The following SLC50A1 variants were observed in gnomAD, a reference collection of about 807,000 sequenced individuals.
The protein encoded by SLC50A1 is sugar transporter SWEET1.
Under a neutral mutation model 28.9 loss-of-function variants are expected in SLC50A1, and 22 were observed. That is an observed-to-expected ratio of 0.76 (90% CI 0.54 to 1.09). SLC50A1 has a LOEUF of 1.09. Among genes scored for constraint, SLC50A1 ranks in the 50% least tolerant of loss-of-function variants. SLC50A1 has a pLI of 0.00. For missense variants in SLC50A1, 233 were observed against 273.4 expected (o/e 0.85, Z 1.04); for synonymous variants, 96 against 110.6 (o/e 0.87, Z 0.83).
Position 155,136,465 on chromosome 1 carries a change from C to T in SLC50A1, c.158+89C>T, listed in dbSNP as rs534929647. 188 of 1,306,290 alleles carry T rather than the reference C, an allele frequency of 1.4e-4. 1 individual carries two copies. The African/African-American group carries it at 2.1e-3, about 15-fold the overall frequency. 80.9% of individuals were successfully genotyped at this position (1,306,290 alleles called of 1,614,324 possible). On this transcript the variant is annotated intron_variant, in intron 2 of 5. Transcript: ENST00000368404. Reference sequence around the variant, plus strand: ...GGAGCAAGAGTGAAAGAGGTTTGGCCGGGCGCGGTGGCTCACGCCTGTAAT... The same window carrying T: ...GGAGCAAGAGTGAAAGAGGTTTGGCTGGGCGCGGTGGCTCACGCCTGTAAT...
At chr1:155,137,941 G>A in intron 4 of SLC50A1, 38 bp from the exon 5 acceptor site, 1 of 1,613,836 alleles carries the variant, frequency 6.2e-7, no homozygotes, top group Non-Finnish European at 8.5e-7. Flanking sequence ...GCTTTACGAT[G>A]TGCTTGGGCC....
chr1:155,136,387 G>A lies in SLC50A1; in HGVS notation c.158+11G>A, dbSNP rs775222998. The A allele has an allele frequency of 3.7e-6, 6 of 1,609,136 alleles. No homozygotes were observed. The highest frequency in any genetic ancestry group is 2.2e-5 in the East Asian group (1 of 44,730). Reference sequence around the variant, plus strand: ...CACCACGGAAGTCAAGTGAGGGGCCGACGGCTGCGGTAGTGGGAAAGGCTA... The same window carrying A: ...CACCACGGAAGTCAAGTGAGGGGCCAACGGCTGCGGTAGTGGGAAAGGCTA... On this transcript the variant is annotated intron_variant, in intron 2 of 5. Transcript: ENST00000368404.
chr1:155,135,698 G>A (rs1334087860), upstream of SLC50A1: 13 of 1,550,086 alleles, frequency 8.4e-6, no homozygotes, highest in East Asian at 2.4e-5. Flanking sequence ...CCAGGGTACT[G>A]GGAAGGCGCT....
Position 155,138,069 on chromosome 1 carries a change from G to C in SLC50A1, c.535G>C (p.Gly179Arg). 1 of 1,614,136 alleles carries C rather than the reference G, an allele frequency of 6.2e-7. No individual in the cohort carries two copies. Among genetic ancestry groups the C allele is most frequent in the East Asian group, 2.2e-5 (1 of 44,880 alleles). The part of the protein sequence containing the change: ...LLTSASWCLY[G>R]FRLRDPYIMV... Reference sequence around the variant, plus strand: ...CACCTCTGCCTCCTGGTGCCTCTATGGGTTTCGACTCAGAGATCCCTATAT... The same window carrying C: ...CACCTCTGCCTCCTGGTGCCTCTATCGGTTTCGACTCAGAGATCCCTATAT... Residue 179 changes from glycine to arginine, a missense_variant, in exon 5 of 6, where the codon GGG becomes CGG. Transcript: ENST00000368404.
At position 155,138,575 on chromosome 1, in the gene SLC50A1, A is replaced by C. The variant is rs1664635460; in HGVS notation, c.*294A>C. On this transcript the variant is annotated 3_prime_UTR_variant, in exon 6 of 6. Coordinates refer to ENST00000368404, the MANE Select transcript of SLC50A1 (RefSeq NM_018845.4). ...CGCGGTGGCTCACGCCTGTAATCCCAGCACTTTGGGAGGCCAAGGTGGGCG... is the reference window on the plus strand; with the variant it reads ...CGCGGTGGCTCACGCCTGTAATCCCCGCACTTTGGGAGGCCAAGGTGGGCG... 1 of 330,494 alleles carries C rather than the reference A, an allele frequency of 3.0e-6. No homozygotes were observed. Among genetic ancestry groups the C allele is most frequent in the Non-Finnish European group, 5.7e-6 (1 of 175,670 alleles). 20.5% of individuals were successfully genotyped at this position (330,494 alleles called of 1,614,324 possible).
rs1473479009 is a variant in SLC50A1 at position 155,138,332 on chromosome 1, ACCT to A, written c.*55_*57del. ...CTTAGTGCCAACCTGAACCAAAGAG[ACCT>A]CCTTGTTTCAGCTGGGCCTGCTGTC... On this transcript the variant is annotated 3_prime_UTR_variant, in exon 6 of 6. Coordinates refer to ENST00000368404, the MANE Select transcript of SLC50A1 (RefSeq NM_018845.4). The A allele has an allele frequency of 6.4e-6, 10 of 1,561,916 alleles. No homozygotes were observed. The highest frequency in any genetic ancestry group is 7.0e-6 in the Non-Finnish European group (8 of 1,139,946).
intron 1 of SLC50A1, 96 bp from the exon 2 acceptor site, chr1:155,136,203 G>C (rs866792772): frequency 7.0e-6 from 7 of 999,908 alleles, no homozygotes; most frequent in Middle Eastern, 2.7e-4. Flanking sequence ...CGGGGTCTGC[G>C]GTGGTCCGGA....
In SLC50A1 at chr1:155,137,682, T is replaced by C; in HGVS notation, c.404T>C (p.Val135Ala). ...RLQQLGLFCS[V>A]FTISMYLSPL... ...CAGCAGTTGGGCCTCTTCTGCAGTG[T>C]CTTCACCATCAGCATGTACCTCTCA... The change falls in exon 4 of 6, where the codon GTC (valine) becomes GCC (alanine). Residue 135 changes from valine (V) to alanine (A), a missense_variant. By Grantham distance (64) the Val-to-Ala change is moderately conservative. Coordinates refer to ENST00000368404, the MANE Select transcript of SLC50A1 (RefSeq NM_018845.4). 6.2e-7 allele frequency: 1 copy of C among 1,614,164 alleles called. No individual in the cohort carries two copies. The highest frequency in any genetic ancestry group is 8.5e-7 in the Non-Finnish European group (1 of 1,180,020).
At position 155,135,872 on chromosome 1, in the gene SLC50A1, T is replaced by C. The variant is rs573910602; in HGVS notation, c.-40T>C. ...GCAGTAGGTCCCGGCAACCGCAGGC[T>C]CGCGGCGGGCGCTGGGCGCGGGATC... On this transcript the variant is annotated 5_prime_UTR_variant, in exon 1 of 6. Transcript: ENST00000368404. 1.3e-6 allele frequency: 2 copies of C among 1,589,936 alleles called. No homozygotes were observed. Among genetic ancestry groups the C allele is most frequent in the African/African-American group, 1.3e-5 (1 of 74,332 alleles).
chr1:155,137,378 G>A (rs571524079), intron 3 of SLC50A1, among the ~76,000 whole-genome samples, 183 bp from the exon 4 acceptor site: 1 of 152,356 alleles, frequency 6.6e-6, no homozygotes, highest in African/African-American at 2.4e-5. Context: ...GAAGTCTCCA[G>A]TGTTGTGGGT....
Position 155,136,301 on chromosome 1 carries a change from C to T in SLC50A1, c.83C>T (p.Ser28Leu), listed in dbSNP as rs969744348. Residue 28 changes from serine (S) to leucine (L), a missense_variant and splice_region_variant, in exon 2 of 6, where the codon TCG becomes TTG. By Grantham distance (145) the Ser-to-Leu change is moderately radical. Coordinates refer to ENST00000368404, the MANE Select transcript of SLC50A1 (RefSeq NM_018845.4). ...CTCCCTTCGGGGCCCCATTACAGCTCGGACCTCAGGCACATGCGAATGACC... is the reference window on the plus strand; with the variant it reads ...CTCCCTTCGGGGCCCCATTACAGCTTGGACCTCAGGCACATGCGAATGACC... ...FTLGMFSAGL[S>L]DLRHMRMTRS... The T allele has an allele frequency of 6.2e-7, 1 of 1,603,646 alleles. No homozygotes were observed. The highest frequency in any genetic ancestry group is 8.5e-7 in the Non-Finnish European group (1 of 1,173,600).
chr1:155,135,754 G>A, upstream of SLC50A1: 1 of 1,549,530 alleles, frequency 6.5e-7, no homozygotes, highest in Non-Finnish European at 8.7e-7. Flanking sequence ...GAGGGAGGGT[G>A]GGGCTTCGGC....
chr1:155,137,051 C>T, intron 3 of SLC50A1, 100 bp downstream of exon 3: 1 of 1,500,572 alleles, frequency 6.7e-7, no homozygotes, highest in Non-Finnish European at 9.1e-7. Context: ...GGCACTGCCA[C>T]CTTTTCCAGG....
At position 155,137,551 on chromosome 1, in the gene SLC50A1, T is replaced by G. The variant is rs1204123638; in HGVS notation, c.283-10T>G. ...CACATCTGGAAGTAAGGGTACTCTC[T>G]CCCCTGCAGCGTGTTGTGCTCCTAC... On this transcript the variant is annotated splice_polypyrimidine_tract_variant and intron_variant, in intron 3 of 5. Coordinates refer to ENST00000368404, the MANE Select transcript of SLC50A1 (RefSeq NM_018845.4). The G allele has an allele frequency of 6.2e-7, 1 of 1,613,752 alleles. No individual in the cohort carries two copies. Among genetic ancestry groups the G allele is most frequent in the South Asian group, 1.1e-5 (1 of 91,070 alleles).
chr1:155,137,241 A>G, intron 3 of SLC50A1: 1 of 545,330 alleles, frequency 1.8e-6, no homozygotes, highest in South Asian at 2.3e-5. Context: ...TATTTCTTTC[A>G]GAGCCAGGGC....
rs1439416757 is a variant in SLC50A1, at chr1:155,138,538, TAA to T, written c.*260_*261del. 7 of 474,524 alleles carry T rather than the reference TAA, an allele frequency of 1.5e-5. No homozygotes were observed. The highest frequency in any genetic ancestry group is 2.6e-5 in the Non-Finnish European group (7 of 264,738). The allele number at this position is 474,524 out of a possible 1,614,324, so 29.4% of individuals were successfully genotyped here. A position where few individuals can be genotyped will look rare whatever the true frequency, so the allele number is the denominator to read the frequency against. ...GGGGTGCAATCTTTAGAATATGCCT[TAA>T]AAGGCCGGGCGCGGTGGCTCACGCC... On this transcript the variant is annotated 3_prime_UTR_variant, in exon 6 of 6. Coordinates refer to ENST00000368404, the MANE Select transcript of SLC50A1 (RefSeq NM_018845.4).
intron 1 of SLC50A1, 74 bp downstream of exon 1, chr1:155,136,065 C>A (rs2102479327): frequency 6.5e-7 from 1 of 1,549,500 alleles, no homozygotes. Flanking sequence ...AGAGACGTGG[C>A]CACAGCACCT....
At chr1:155,135,703 G>T (rs779233446), upstream of SLC50A1, 1 of 1,550,080 alleles carries the variant, frequency 6.5e-7, no homozygotes. Context: ...GTACTGGGAA[G>T]GCGCTCGGAG....
intron 1 of SLC50A1, 77 bp from the exon 2 acceptor site, chr1:155,136,222 C>T (rs1457685633): frequency 4.5e-6 from 5 of 1,110,538 alleles, no homozygotes; most frequent in African/African-American, 1.6e-5. Context: ...GAAAGGATGA[C>T]AGGCATTGGG....
Sources: gnomAD v4.1 joint callset for allele counts (sites outside exome capture counted in the v4.1 genomes callset) on GRCh38, gnomAD v4.1.1 for gene constraint, MANE v1.5 for transcripts, NCBI Gene and HGNC (gene_info 2026-07-23, HGNC 2026-07-21) for gene names.